SLC9B1: variants seen among roughly 807,000 people sequenced by gnomAD.
SLC9B1 encodes the protein solute carrier family 9 member B1.
SLC9B1 carries 32 observed loss-of-function variants against 51.7 expected under a neutral mutation model. The ratio of observed to expected loss-of-function variants is 0.62; its 90% CI spans 0.47 to 0.83. The LOEUF (loss-of-function observed/expected upper bound fraction) is 0.83. Among genes scored for constraint, SLC9B1 ranks in the 40% least tolerant of loss-of-function variants. The probability of loss-of-function intolerance (pLI) is 0.00; values close to 1 mark genes in which losing one functional copy is unlikely to be tolerated. For synonymous variants in SLC9B1, 145 were observed against 212.7 expected (o/e 0.68, Z 2.77); for missense variants, 406 against 613.2 (o/e 0.66, Z 3.57).
chr4:102,976,078 C>T (rs62327326), intron 3 of SLC9B1, among the ~76,000 whole-genome samples: 1,843 of 152,038 alleles, frequency 0.012, 28 homozygotes, highest in Admixed American at 0.02. Flanking sequence ...CCAGTTGGTG[C>T]CTCAGAATTA....
At chr4:103,003,522 A>G (rs900838206) in intron 1 of SLC9B1, among the ~76,000 whole-genome samples, 18 of 152,184 alleles carry the variant, frequency 1.2e-4, no homozygotes, top group African/African-American at 4.1e-4. Flanking sequence ...ATTGTTGCAC[A>G]TTTGTAGAAA....
At chr4:102,965,333 T>C (rs1427981103) in intron 3 of SLC9B1, among the ~76,000 whole-genome samples, 1 of 152,112 alleles carries the variant, frequency 6.6e-6, no homozygotes, top group African/African-American at 2.4e-5. Flanking sequence ...CATCACAACA[T>C]GGCAGAAGAC....
At chr4:103,011,698 T>A (rs1434564175) in intron 1 of SLC9B1, among the ~76,000 whole-genome samples, 1 of 152,208 alleles carries the variant, frequency 6.6e-6, no homozygotes, top group Non-Finnish European at 1.5e-5. Context: ...CAAGGTTTAC[T>A]GTTTATACTC....
chr4:102,905,209 G>GTTTGTTTATTTATTTATTTATTTA (rs142177463), intron 11 of SLC9B1, among the ~76,000 whole-genome samples: 80 of 146,048 alleles, frequency 5.5e-4, no homozygotes, highest in South Asian at 1.7e-3. Context: ...CTTTGTTTTT[G>GTTTGTTTATTTATTTATTTATTTA]TTTATTTATT....
intron 3 of SLC9B1, among the ~76,000 whole-genome samples, chr4:102,986,247 T>C (rs1335509987): frequency 9.2e-6 from 1 of 109,034 alleles, no homozygotes; most frequent in East Asian, 2.6e-4. Flanking sequence ...ATTCTAAGGC[T>C]GGTGTTGTTT....
downstream of SLC9B1, chr4:102,898,060 G>T: frequency 4.3e-6 from 2 of 462,126 alleles, no homozygotes; most frequent in South Asian, 1.6e-5. Flanking sequence ...TGCCCTAGTC[G>T]TGCTGGTAAA....
chr4:102,966,059 C>A (rs1307842843), intron 3 of SLC9B1, among the ~76,000 whole-genome samples: 1 of 152,244 alleles, frequency 6.6e-6, no homozygotes, highest in African/African-American at 2.4e-5. Context: ...AGCCACATGG[C>A]TGCTCTCACT....
At chr4:103,002,858 C>G (rs181229001) in intron 1 of SLC9B1, among the ~76,000 whole-genome samples, 2 of 152,286 alleles carry the variant, frequency 1.3e-5, no homozygotes. Flanking sequence ...AAATTCTGTG[C>G]CCTATATGAA....
At chr4:102,908,697 C>T (rs1230982725) in intron 9 of SLC9B1, among the ~76,000 whole-genome samples, 1 of 152,292 alleles carries the variant, frequency 6.6e-6, no homozygotes, top group Non-Finnish European at 1.5e-5. Context: ...AAATGAGATG[C>T]AGAATCCAAA....
Position 103,014,484 on chromosome 4 carries a change from G to A in SLC9B1, c.-2+5115C>T, listed in dbSNP as rs981480938. Among the ~76,000 whole-genome samples the A allele has an allele frequency of 2.6e-5, 4 of 152,212 alleles. No individual in the cohort carries two copies. In the East Asian group the frequency reaches 7.7e-4, roughly 29 times the overall value. ...CTGTATTCTCCTCTGTATACAGAAT[G>A]TGGTAAATATAGAGTATTGTAGAAG... is the stretch of plus-strand genomic sequence containing the variant. On this transcript the variant is annotated intron_variant, in intron 1 of 11. Transcript: ENST00000296422.
intron 6 of SLC9B1, 150 bp downstream of exon 6, chr4:102,945,043 C>T (rs1737200962): frequency 1.1e-6 from 1 of 883,852 alleles, no homozygotes; most frequent in African/African-American, 1.7e-5. Flanking sequence ...TGGGACATGG[C>T]TCTGCTTTTA....
At chr4:102,905,205 T>TTATTTATTTATTTA (rs1734973929) in intron 11 of SLC9B1, among the ~76,000 whole-genome samples, 1 of 74,154 alleles carries the variant, frequency 1.3e-5, no homozygotes, top group Non-Finnish European at 2.7e-5. Context: ...GGTTCTTTGT[T>TTATTTATTTATTTA]TTTGTTTATT....
chr4:102,941,117 G>A (rs1736974346), intron 6 of SLC9B1, among the ~76,000 whole-genome samples: 1 of 151,938 alleles, frequency 6.6e-6, no homozygotes. Context: ...TGATGAAGAC[G>A]CCAAAAACAA....
intron 3 of SLC9B1, among the ~76,000 whole-genome samples, chr4:102,959,243 C>T (rs1737962724): frequency 6.6e-6 from 1 of 151,896 alleles, no homozygotes; most frequent in Admixed American, 6.6e-5. Flanking sequence ...TATACACACA[C>T]ACACACACAC....
At chr4:102,993,780 G>C (rs975324536) in intron 1 of SLC9B1, among the ~76,000 whole-genome samples, 1 of 152,222 alleles carries the variant, frequency 6.6e-6, no homozygotes, top group African/African-American at 2.4e-5. Flanking sequence ...GGTTCCCAAA[G>C]CTCAGTTCCT....
At chr4:102,937,050 G>A (rs1457017023) in intron 6 of SLC9B1, among the ~76,000 whole-genome samples, 5 of 152,064 alleles carry the variant, frequency 3.3e-5, no homozygotes, top group Admixed American at 6.6e-5. Context: ...GGCTAACAGT[G>A]GAACTGTAAG....
Position 102,901,319 on chromosome 4 carries a change from G to A in SLC9B1, c.1346C>T (p.Pro449Leu). The change falls in exon 12 of 12, where the codon CCT (proline) becomes CTT (leucine). Residue 449 changes from proline (P) to leucine (L), a missense_variant. Pro to Leu is a moderately conservative substitution (Grantham distance 98). Transcript: ENST00000296422. ...GACTCTTGCTGTTTCTAGAGCCAGA[G>A]GACCTAACACAGCCTGCATTTAGGG... ...PKATVQAVLG[P>L]LALETARVSA... 6.2e-7 allele frequency: 1 copy of A among 1,611,994 alleles called. No homozygotes were observed. Among genetic ancestry groups the A allele is most frequent in the Non-Finnish European group, 8.5e-7 (1 of 1,179,792 alleles).
chr4:102,950,658 T>A (rs1737502660), intron 3 of SLC9B1, among the ~76,000 whole-genome samples: 1 of 152,198 alleles, frequency 6.6e-6, no homozygotes, highest in Non-Finnish European at 1.5e-5. Flanking sequence ...ATTATTGTCA[T>A]CCTGCAAAAC....
intron 11 of SLC9B1, among the ~76,000 whole-genome samples, chr4:102,893,694 T>C (rs942428938): frequency 4.0e-5 from 6 of 151,272 alleles, no homozygotes; most frequent in Non-Finnish European, 7.4e-5. Context: ...GAAGCCAAGG[T>C]GGGTGGATCA....
Sources: allele counts gnomAD v4.1 joint callset (sites outside exome capture counted in the v4.1 genomes callset), GRCh38; gene constraint gnomAD v4.1.1; transcripts MANE v1.5; gene names NCBI Gene and HGNC (gene_info 2026-07-23, HGNC 2026-07-21).